The following PRPF8 variants were observed in gnomAD, a reference collection of about 807,000 sequenced individuals.
PRPF8 encodes the protein pre-mRNA-processing-splicing factor 8.
In PRPF8, 64 loss-of-function variants were observed where a neutral mutation model predicts 285.9. The observed-to-expected ratio is 0.22, with a 90% confidence interval of 0.18 to 0.28. The LOEUF (loss-of-function observed/expected upper bound fraction) is 0.28. PRPF8 is among the 10% of genes least tolerant of loss of function. The pLI is 1.00. For missense variants in PRPF8, 1,426 were observed against 3,026.7 expected (o/e 0.47, Z 12.41); for synonymous variants, 1,325 against 1,118.2 (o/e 1.18, Z -3.69).
At chr17:1,683,336 C>G (rs1913041226) in intron 3 of PRPF8, 197 bp downstream of exon 3, 3 of 675,948 alleles carry the variant, frequency 4.4e-6, no homozygotes, top group Non-Finnish European at 7.8e-6. Context: ...AATTAAAGCA[C>G]CAGTCCCAGA....
rs1442705865 is a variant in PRPF8, at chr17:1,677,108, A to C, written c.2049T>G (p.Leu683=). ...TKQRVESHFD[L]ELRAAVMHDI... is the part of the protein sequence containing the mutation. ...CATGCATCACAGCTGCCCGCAGCTC[A>C]AGGTCAAAATGTGACTCCACTCGCT... is the stretch of plus-strand genomic sequence containing the variant. Residue 683 remains leucine, a synonymous_variant, in exon 15 of 43, where the codon CTT becomes CTG. Coordinates refer to ENST00000304992, the MANE Select transcript of PRPF8 (RefSeq NM_006445.4). 1.2e-6 allele frequency: 2 copies of C among 1,613,780 alleles called. No individual in the cohort carries two copies. Among genetic ancestry groups the C allele is most frequent in the Non-Finnish European group, 1.7e-6 (2 of 1,180,008 alleles).
chr17:1,651,565 G>A lies in PRPF8; in HGVS notation c.6511-12C>T, dbSNP rs1911068829. 5 of 1,613,992 alleles carry A rather than the reference G, an allele frequency of 3.1e-6. No homozygotes were observed. Among genetic ancestry groups the A allele is most frequent in the Admixed American group, 1.7e-5 (1 of 59,998 alleles). On this transcript the variant is annotated splice_polypyrimidine_tract_variant and intron_variant, in intron 40 of 42. Coordinates refer to ENST00000304992, the MANE Select transcript of PRPF8 (RefSeq NM_006445.4). This position sits in a 1 kb window ranked among gnomAD's most constrained non-coding sequence, Gnocchi z 5.1. Reference sequence around the variant, plus strand: ...AAGGGTTCCATCTCCTATAGGTAAAGAGGAGTACAGAGCTGAATCCCATCC... The same window carrying A: ...AAGGGTTCCATCTCCTATAGGTAAAAAGGAGTACAGAGCTGAATCCCATCC...
chr17:1,662,233 T>C, intron 24 of PRPF8, 80 bp from the exon 25 acceptor site: 1 of 1,479,704 alleles, frequency 6.8e-7, no homozygotes, highest in Non-Finnish European at 9.4e-7. Context: ...CAGTTAGTTT[T>C]ATCCCTACTA....
At chr17:1,677,790 C>A in intron 13 of PRPF8, 96 bp from the exon 14 acceptor site, 1 of 1,495,214 alleles carries the variant, frequency 6.7e-7, no homozygotes, top group Non-Finnish European at 9.3e-7. Context: ...GTATAATATA[C>A]ATACAGAGGA....
chr17:1,667,360 G>A (rs1347441146), intron 24 of PRPF8, among the ~76,000 whole-genome samples: 3 of 152,174 alleles, frequency 2.0e-5, no homozygotes, highest in African/African-American at 2.4e-5. Flanking sequence ...ATAAATTCCT[G>A]AGGAGCCCAG....
intron 13 of PRPF8, 24 bp downstream of exon 13, chr17:1,678,494 A>C: frequency 6.2e-7 from 1 of 1,614,080 alleles, no homozygotes; most frequent in Non-Finnish European, 8.5e-7. Flanking sequence ...AAAAAAAAGA[A>C]AGTCAGTAAA....
Position 1,651,509 on chromosome 17 carries a change from G to A in PRPF8, c.6555C>T (p.Ser2185=), listed in dbSNP as rs1911065994. 5 of 1,614,016 alleles carry A rather than the reference G, an allele frequency of 3.1e-6. No homozygotes were observed. The South Asian group carries it at 4.4e-5, about 14-fold the overall frequency. Reference sequence around the variant, plus strand: ...TGACATCCTGGGGTGATAACTGCGGGGACTCATTGGGCTGAGTGTGGATCC... The same window carrying A: ...TGACATCCTGGGGTGATAACTGCGGAGACTCATTGGGCTGAGTGTGGATCC... ...LGWIHTQPNE[S]PQLSPQDVTT... The change falls in exon 41 of 43, where the codon TCC becomes TCT. Residue 2185 remains serine, a synonymous_variant. Coordinates refer to ENST00000304992, the MANE Select transcript of PRPF8 (RefSeq NM_006445.4). The surrounding 1 kb of genome is among the most constrained non-coding windows in gnomAD (Gnocchi z 5.1).
Position 1,653,113 on chromosome 17 carries a change from T to C in PRPF8, c.6369+429A>G, listed in dbSNP as rs931196178. The C allele has an allele frequency of 1.7e-5, 5 of 291,214 alleles. No individual in the cohort carries two copies. In the Admixed American group the frequency reaches 1.9e-4, roughly 11 times the overall value. 18.0% of individuals were successfully genotyped at this position (291,214 alleles called of 1,614,324 possible). On this transcript the variant is annotated intron_variant, in intron 39 of 42. Transcript: ENST00000304992. The surrounding 1 kb of genome is among the most constrained non-coding windows in gnomAD (Gnocchi z 4.9). ...GCCACCATGCCTGGCTAATTTTTTG[T>C]ATTTTTAGTAGAGACAGGGTTTCAC... is the stretch of plus-strand genomic sequence containing the variant.
rs1174240009 is a variant in PRPF8, at chr17:1,679,518, A to G, written c.1289+91T>C. 1.9e-6 allele frequency: 3 copies of G among 1,586,150 alleles called. No homozygotes were observed. Among genetic ancestry groups the G allele is most frequent in the Non-Finnish European group, 2.6e-6 (3 of 1,168,636 alleles). ...ATTTTTATGGGAAAAAAAAAAAAAG[A>G]ATTTAAAAAAAAGGCTACATGCCCA... On this transcript the variant is annotated intron_variant, in intron 9 of 42. Transcript: ENST00000304992. The surrounding 1 kb of genome is among the most constrained non-coding windows in gnomAD (Gnocchi z 4.7).
At chr17:1,655,169 G>A (rs1458424554) in intron 37 of PRPF8, among the ~76,000 whole-genome samples, 181 bp downstream of exon 37, 2 of 149,864 alleles carry the variant, frequency 1.3e-5, no homozygotes, top group African/African-American at 4.9e-5. Context: ...CGTTGGCCAG[G>A]ATGGTTTCAA....
intron 24 of PRPF8, among the ~76,000 whole-genome samples, chr17:1,666,203 T>G (rs1322306948): frequency 1.3e-5 from 2 of 150,898 alleles, no homozygotes; most frequent in Non-Finnish European, 2.9e-5. Context: ...ATTGATAATC[T>G]AACCTTTTAC....
chr17:1,661,819 A>T lies in PRPF8; in HGVS notation c.4023-29T>A, dbSNP rs749932274. On this transcript the variant is annotated intron_variant, in intron 25 of 42. Coordinates refer to ENST00000304992, the MANE Select transcript of PRPF8 (RefSeq NM_006445.4). This position sits in a 1 kb window ranked among gnomAD's most constrained non-coding sequence, Gnocchi z 7.3. ...TTTGGGTGTACAACCAAGATTACAG[A>T]AAAAATAAAGCCTAAAACTAAAGAA... 1.2e-6 allele frequency: 2 copies of T among 1,614,172 alleles called. No individual in the cohort carries two copies. The highest frequency in any genetic ancestry group is 1.1e-5 in the South Asian group (1 of 91,088).
chr17:1,676,183 G>A lies in PRPF8; in HGVS notation c.2552+24C>T. On this transcript the variant is annotated intron_variant, in intron 17 of 42. Transcript: ENST00000304992. The surrounding 1 kb of genome is among the most constrained non-coding windows in gnomAD (Gnocchi z 6.3). ...TTCCCTGCTGTCACCTTCCCAGCAG[G>A]AACCTATCTACCCTACTACTCACCT... 6.2e-7 allele frequency: 1 copy of A among 1,612,914 alleles called. No homozygotes were observed.
chr17:1,671,033 G>A (rs936922987), intron 24 of PRPF8, among the ~76,000 whole-genome samples: 2 of 151,916 alleles, frequency 1.3e-5, no homozygotes, highest in Non-Finnish European at 2.9e-5. Flanking sequence ...TCCATGATAT[G>A]GCTCTCCACT....
rs1913035491 is a variant in PRPF8 at position 1,683,232 on chromosome 17, T to C, written c.269+301A>G. The C allele has an allele frequency of 7.3e-6, 3 of 411,244 alleles. No homozygotes were observed. In the Admixed American group the frequency reaches 1.1e-4, roughly 15 times the overall value. 25.5% of individuals were successfully genotyped at this position (411,244 alleles called of 1,614,324 possible). A position where few individuals can be genotyped will look rare whatever the true frequency, so the allele number is the denominator to read the frequency against. On this transcript the variant is annotated intron_variant, in intron 3 of 42. Coordinates refer to ENST00000304992, the MANE Select transcript of PRPF8 (RefSeq NM_006445.4). Reference sequence around the variant, plus strand: ...GGATGGTCTCGATCTCCTGACCTCATGATCCACCCGCCTCGGCCTCCCAAA... The same window carrying C: ...GGATGGTCTCGATCTCCTGACCTCACGATCCACCCGCCTCGGCCTCCCAAA...
chr17:1,651,539 T>C lies in PRPF8; in HGVS notation c.6525A>G (p.Leu2175=), dbSNP rs2151109627. 6.2e-7 allele frequency: 1 copy of C among 1,613,982 alleles called. No homozygotes were observed. The highest frequency in any genetic ancestry group is 1.1e-5 in the South Asian group (1 of 91,078). The change falls in exon 41 of 43, where the codon TTA becomes TTG. Residue 2175 remains leucine (L), a synonymous_variant. Transcript: ENST00000304992. This position sits in a 1 kb window ranked among gnomAD's most constrained non-coding sequence, Gnocchi z 5.1. ...QHEYLKEMEP[L]GWIHTQPNES... ...CATTGGGCTGAGTGTGGATCCAACC[T>C]AAGGGTTCCATCTCCTATAGGTAAA...
rs372997528 is a variant in PRPF8, at chr17:1,682,126, C to T, written c.434+3G>A. ...CCACCCACCATATTTCAGCCTTTCT[C>T]ACCCCCACTGGGAGATGTAGACAGG... On this transcript the variant is annotated splice_donor_region_variant and intron_variant, in intron 4 of 42. Transcript: ENST00000304992. 23 of 1,613,956 alleles carry T rather than the reference C, an allele frequency of 1.4e-5. No individual in the cohort carries two copies. The highest frequency in any genetic ancestry group is 1.0e-4 in the Admixed American group (6 of 59,978).
rs1200667237 is a variant in PRPF8 at position 1,679,195 on chromosome 17, C to G, written c.1421G>C (p.Arg474Pro). Residue 474 changes from arginine (R) to proline (P), a missense_variant, in exon 11 of 43, where the codon CGC (arginine) becomes CCC (proline). Transcript: ENST00000304992. The surrounding 1 kb of genome is among the most constrained non-coding windows in gnomAD (Gnocchi z 4.7). ...AAAGAATTTGGTGGCTTTGAAGGAGCGGAACAAATACCTGAGGTGGGAACA... is the reference window on the plus strand; with the variant it reads ...AAAGAATTTGGTGGCTTTGAAGGAGGGGAACAAATACCTGAGGTGGGAACA... ...PKAQKKRYLF[R>P]SFKATKFFQS... 1 of 1,614,102 alleles carries G rather than the reference C, an allele frequency of 6.2e-7. No individual in the cohort carries two copies. Among genetic ancestry groups the G allele is most frequent in the Non-Finnish European group, 8.5e-7 (1 of 1,180,016 alleles).
rs779425997 is a variant in PRPF8 at position 1,673,491 on chromosome 17, C to T, written c.3523G>A (p.Val1175Met). ...GGGTTGTCCTTACTGTACACAGACA[C>T]GAAGCTGTTCTCCCACTGAACTGTA... ...VTTVQWENSF[V>M]SVYSKDNPNL... The change falls in exon 23 of 43, where the codon GTG (valine) becomes ATG (methionine). Residue 1175 changes from valine (V) to methionine (M), a missense_variant. By Grantham distance (21) the Val-to-Met change is conservative (BLOSUM62 1). This residue lies in a region of PRPF8 where 148 missense variants were observed against 196.2 expected (regional missense o/e 0.75). Transcript: ENST00000304992. This position sits in a 1 kb window ranked among gnomAD's most constrained non-coding sequence, Gnocchi z 5.5. The T allele has an allele frequency of 3.1e-6, 5 of 1,614,060 alleles. No homozygotes were observed. Among genetic ancestry groups the T allele is most frequent in the Non-Finnish European group, 4.2e-6 (5 of 1,180,034 alleles).
Sources: allele counts gnomAD v4.1 joint callset (sites outside exome capture counted in the v4.1 genomes callset), GRCh38; gene constraint gnomAD v4.1.1; regional missense constraint gnomAD v4.1.1; non-coding constraint Gnocchi (gnomAD v3.1); transcripts MANE v1.5; gene names NCBI Gene and HGNC (gene_info 2026-07-23, HGNC 2026-07-21).